Variants in SCN1A observed in about 807,000 individuals in gnomAD.
SCN1A encodes sodium voltage-gated channel alpha subunit 1, also known as sodium channel protein type 1 subunit alpha.
Under a neutral mutation model 193.7 loss-of-function variants are expected in SCN1A, and 13 were observed. The observed-to-expected ratio is 0.07, with a 90% confidence interval of 0.04 to 0.11. SCN1A has a LOEUF of 0.11. SCN1A is among the 10% of genes least tolerant of loss of function. SCN1A has a pLI of 1.00. For synonymous variants in SCN1A, 781 were observed against 843.6 expected, an observed-to-expected ratio of 0.93 and a Z score of 1.29; for missense variants, 1,432 against 2,451.1, an observed-to-expected ratio of 0.58 and a Z score of 8.78.
intron 2 of SCN1A, among the ~76,000 whole-genome samples, chr2:166,094,399 G>A (rs1431491974): frequency 1.3e-5 from 2 of 152,170 alleles, no homozygotes; most frequent in African/African-American, 4.8e-5. Flanking sequence ...GTAGTTGATA[G>A]TAAGTTGTGC....
chr2:166,042,188 T>C (rs1697265708), intron 15 of SCN1A, 104 bp downstream of exon 15: 3 of 1,131,140 alleles, frequency 2.7e-6, no homozygotes, highest in Non-Finnish European at 2.6e-6. Context: ...AGACTGTCTT[T>C]TCATTAGAAT....
At chr2:166,115,208 A>T (rs1159806499) in intron 2 of SCN1A, among the ~76,000 whole-genome samples, 1 of 151,996 alleles carries the variant, frequency 6.6e-6, no homozygotes, top group African/African-American at 2.4e-5. Context: ...AAATACAAAA[A>T]ATTAGCTGGG....
chr2:166,075,175 T>A (rs1368658226), intron 3 of SCN1A: 1 of 152,104 alleles, frequency 6.6e-6, no homozygotes. Context: ...GATGTATATA[T>A]ATAGTTTTTA....
intron 1 of SCN1A, chr2:166,137,692 T>C (rs1319479851): frequency 6.6e-6 from 1 of 152,278 alleles, no homozygotes; most frequent in African/African-American, 2.4e-5. Flanking sequence ...TATGTCATTA[T>C]CAGCAGCTTG....
At chr2:166,090,285 C>G (rs1321925565) in intron 2 of SCN1A, among the ~76,000 whole-genome samples, 4 of 151,954 alleles carry the variant, frequency 2.6e-5, no homozygotes, top group African/African-American at 7.3e-5. Context: ...CTTGCCTCAG[C>G]CTCCCAAATT....
At chr2:166,064,806 A>C (rs753314321) in intron 4 of SCN1A, among the ~76,000 whole-genome samples, 26 of 152,218 alleles carry the variant, frequency 1.7e-4, no homozygotes, top group Non-Finnish European at 3.8e-4. Context: ...ACTGACTCCA[A>C]ATTTATTGCA....
intron 19 of SCN1A, among the ~76,000 whole-genome samples, chr2:166,018,762 C>A (rs1693640863): frequency 6.6e-6 from 1 of 151,876 alleles, no homozygotes; most frequent in South Asian, 2.1e-4. Context: ...AGTTGGCATG[C>A]AATTGGACAT....
chr2:166,119,699 A>T (rs1012547265), intron 2 of SCN1A, among the ~76,000 whole-genome samples: 1 of 152,168 alleles, frequency 6.6e-6, no homozygotes, highest in Non-Finnish European at 1.5e-5. Context: ...TTCCATTGTT[A>T]CAAAATTTTC....
intron 2 of SCN1A, among the ~76,000 whole-genome samples, chr2:166,124,595 T>A (rs555348570): frequency 1.3e-5 from 2 of 152,126 alleles, no homozygotes; most frequent in Non-Finnish European, 2.9e-5. Context: ...ATTTGGGTAA[T>A]CATTCTAAAC....
intron 5 of SCN1A, 67 bp from the exon 6 acceptor site, chr2:166,056,567 C>T: frequency 1.7e-6 from 2 of 1,194,538 alleles, no homozygotes; most frequent in South Asian, 2.4e-5. Flanking sequence ...AAAAAGCTAA[C>T]ATTGAAAAGC....
intron 2 of SCN1A, among the ~76,000 whole-genome samples, chr2:166,125,453 G>A (rs533128613): frequency 2.2e-4 from 33 of 152,134 alleles, no homozygotes; most frequent in Admixed American, 3.9e-4. Context: ...GGCTCACACC[G>A]ACATAAACCC....
intron 23 of SCN1A, among the ~76,000 whole-genome samples, chr2:166,009,052 T>G (rs1345270085): frequency 6.6e-6 from 1 of 151,054 alleles, no homozygotes; most frequent in East Asian, 1.9e-4. Context: ...TTAAGGTTAA[T>G]GTATAAATTA....
At chr2:166,130,709 AGGCCAATATCCCAAGCAT>A (rs1691624126), upstream of SCN1A, among the ~76,000 whole-genome samples, 1 of 152,226 alleles carries the variant, frequency 6.6e-6, no homozygotes, top group African/African-American at 2.4e-5. Flanking sequence ...CTCCTAGAAA[AGGCCAATATCCCAAGCAT>A]GGCCCAAAGA....
intron 4 of SCN1A, among the ~76,000 whole-genome samples, chr2:166,059,947 C>A (rs1185749730): frequency 6.6e-6 from 1 of 151,646 alleles, no homozygotes; most frequent in Non-Finnish European, 1.5e-5. Flanking sequence ...AAAGTATGGT[C>A]CCCCAACCAG....
intron 1 of SCN1A, among the ~76,000 whole-genome samples, chr2:166,133,201 C>T (rs1691727156): frequency 6.6e-6 from 1 of 152,068 alleles, no homozygotes. Context: ...TGGAGATAAT[C>T]AGATTCCCCA....
At chr2:166,080,140 G>T (rs1472405264) in intron 2 of SCN1A, among the ~76,000 whole-genome samples, 1 of 151,344 alleles carries the variant, frequency 6.6e-6, no homozygotes, top group Non-Finnish European at 1.5e-5. Flanking sequence ...CACTTACAAA[G>T]GAGATTTCAC....
upstream of SCN1A, among the ~76,000 whole-genome samples, chr2:166,130,000 C>T (rs141577483): frequency 6.6e-6 from 1 of 152,144 alleles, no homozygotes; most frequent in Non-Finnish European, 1.5e-5. Context: ...GACTCAGGAC[C>T]AGGTGGACCA....
intron 19 of SCN1A, among the ~76,000 whole-genome samples, chr2:166,028,239 G>A (rs1695064193): frequency 6.6e-6 from 1 of 151,812 alleles, no homozygotes; most frequent in Admixed American, 6.6e-5. Context: ...AGAAAATCAT[G>A]GTAATACAAA....
chr2:166,042,572 G>A, intron 14 of SCN1A, 148 bp from the exon 15 acceptor site: 1 of 774,250 alleles, frequency 1.3e-6, no homozygotes, highest in African/African-American at 1.7e-5. Context: ...CTGACTTATT[G>A]TATCATTAGC....
Sources: allele counts gnomAD v4.1 joint callset (sites outside exome capture counted in the v4.1 genomes callset), GRCh38; gene constraint gnomAD v4.1.1; transcripts MANE v1.5; gene names NCBI Gene and HGNC (gene_info 2026-07-23, HGNC 2026-07-21).